POLR2C: variants seen among roughly 807,000 people sequenced by gnomAD.
The protein encoded by POLR2C is RNA polymerase II subunit C, also known as DNA-directed RNA polymerase II subunit RPB3.
Under a neutral mutation model 41.7 loss-of-function variants are expected in POLR2C, and 36 were observed. The observed-to-expected ratio is 0.86, with a 90% CI of 0.66 to 1.14. POLR2C has a LOEUF of 1.14. Ranked by LOEUF, POLR2C falls within the 50% of genes most tolerant of loss-of-function variation. POLR2C has a pLI of 0.00. For synonymous variants in POLR2C, 133 were observed against 137.8 expected, an observed-to-expected ratio of 0.96 and a Z score of 0.25; for missense variants, 260 against 350.4, an observed-to-expected ratio of 0.74 and a Z score of 2.06.
At chr16:57,468,093 T>C (rs890107407) in intron 4 of POLR2C, among the ~76,000 whole-genome samples, 1 of 152,246 alleles carries the variant, frequency 6.6e-6, no homozygotes, top group Non-Finnish European at 1.5e-5. Flanking sequence ...CACTGCGACC[T>C]CAGCCTCTGG....
At chr16:57,465,872 C>G (rs977960902) in intron 2 of POLR2C, 81 bp from the exon 3 acceptor site, 6 of 894,088 alleles carry the variant, frequency 6.7e-6, no homozygotes, top group Admixed American at 3.4e-5. Flanking sequence ...TCAGGTGATT[C>G]CTAAATCTTG....
intron 8 of POLR2C, 27 bp downstream of exon 8, chr16:57,470,381 G>A (rs1258853164): frequency 6.5e-7 from 1 of 1,547,672 alleles, no homozygotes; most frequent in Non-Finnish European, 8.8e-7. Context: ...ACATGGGAAG[G>A]TGAAGTGTGG....
chr16:57,468,040 C>T lies in POLR2C; in HGVS notation c.259-1125C>T, dbSNP rs371039324. Among the ~76,000 whole-genome samples, 18 of 152,066 alleles carry T rather than the reference C, an allele frequency of 1.2e-4. No individual in the cohort carries two copies. The East Asian group carries it at 2.9e-3, about 24-fold the overall frequency. On this transcript the variant is annotated intron_variant, in intron 4 of 8. Coordinates refer to ENST00000219252, the MANE Select transcript of POLR2C (RefSeq NM_032940.3). ...TTTTTCTATTTTTTCAGACAGGTCT[C>T]GCTCTGTCACCCAGGCTAGAGTGCA...
At chr16:57,465,549 C>A (rs1194280710) in intron 2 of POLR2C, among the ~76,000 whole-genome samples, 1 of 152,126 alleles carries the variant, frequency 6.6e-6, no homozygotes. Flanking sequence ...TGAGGTATGG[C>A]CCCATAAGTC....
intron 8 of POLR2C, 145 bp downstream of exon 8, chr16:57,470,499 G>T: frequency 1.6e-6 from 1 of 636,974 alleles, no homozygotes; most frequent in Non-Finnish European, 2.8e-6. Flanking sequence ...TAGACCTGTG[G>T]TATGTGCACA....
In POLR2C at chr16:57,469,749, G is replaced by C. The variant is rs779917583; in HGVS notation, c.427G>C (p.Val143Leu). 1.8e-5 allele frequency: 29 copies of C among 1,613,844 alleles called. No homozygotes were observed. Among genetic ancestry groups the C allele is most frequent in the African/African-American group, 2.7e-5 (2 of 74,922 alleles). Residue 143 changes from valine to leucine, a missense_variant, in exon 6 of 9, where the codon GTG (valine) becomes CTG (leucine). Val to Leu is a conservative substitution (Grantham distance 32). Transcript: ENST00000219252. The surrounding 1 kb of genome is among the most constrained non-coding windows in gnomAD (Gnocchi z 5.8). ...RNRDNDPNDY[V>L]EQDDILIVKL... is the part of the protein sequence containing the mutation. ...CCGAGATAATGACCCCAATGACTAC[G>C]TGGAGCAGGATGGTAAGTCTTCCTG... is the stretch of plus-strand genomic sequence containing the variant.
chr16:57,463,775 T>G, intron 2 of POLR2C: 1 of 363,738 alleles, frequency 2.7e-6, no homozygotes, highest in Non-Finnish European at 5.5e-6. Context: ...AAAGCCCGCC[T>G]CTACTAAAAA....
rs1020461564 is a variant in POLR2C, at chr16:57,471,348, C to T, written c.*229C>T. 5 of 512,552 alleles carry T rather than the reference C, an allele frequency of 9.8e-6. No individual in the cohort carries two copies. Among genetic ancestry groups the T allele is most frequent in the Non-Finnish European group, 1.8e-5 (5 of 285,628 alleles). 31.8% of individuals were successfully genotyped at this position (512,552 alleles called of 1,614,324 possible). On this transcript the variant is annotated 3_prime_UTR_variant, in exon 9 of 9. Transcript: ENST00000219252. The stretch of plus-strand genomic sequence containing the variant: ...CCTGACTGCTGTTAATAATTGGCAG[C>T]AGTGCTCCCCAGATCCCAGAAGGTC...
chr16:57,466,425 C>T (rs1395241586), intron 4 of POLR2C, among the ~76,000 whole-genome samples, 198 bp downstream of exon 4: 2 of 152,212 alleles, frequency 1.3e-5, no homozygotes, highest in South Asian at 2.1e-4. Context: ...CGCAGAACAT[C>T]AGGGAGTGTT....
intron 8 of POLR2C, 105 bp from the exon 9 acceptor site, chr16:57,470,870 T>C: frequency 9.9e-6 from 11 of 1,112,432 alleles, no homozygotes; most frequent in South Asian, 1.4e-5. Context: ...TCAAGTTCCA[T>C]GTGGGAACAG....
rs1223858245 is a variant in POLR2C, at chr16:57,469,375, T to C, written c.387+82T>C. 4 of 1,484,900 alleles carry C rather than the reference T, an allele frequency of 2.7e-6. No homozygotes were observed. The highest frequency in any genetic ancestry group is 3.8e-6 in the Non-Finnish European group (4 of 1,063,694). The allele number at this position is 1,484,900 out of a possible 1,614,324, so 92.0% of individuals were successfully genotyped here. On this transcript the variant is annotated intron_variant, in intron 5 of 8. Transcript: ENST00000219252. This position sits in a 1 kb window ranked among gnomAD's most constrained non-coding sequence, Gnocchi z 5.8. ...TCCAAGTGGGCCAGACTGGGGTTGA[T>C]CCTTAGAAAATGTTGGCTTTCCCTG...
chr16:57,469,934 TTGAC>T lies in POLR2C; in HGVS notation c.440-21_440-18del, dbSNP rs1209045700. On this transcript the variant is annotated intron_variant, in intron 6 of 8. Coordinates refer to ENST00000219252, the MANE Select transcript of POLR2C (RefSeq NM_032940.3). This position sits in a 1 kb window ranked among gnomAD's most constrained non-coding sequence, Gnocchi z 5.8. ...TGGAGAAGCATGTCTCTCCTGGCCC[TTGAC>T]TGACTTGTGCCTCTCCCTGCAGACA... 7.5e-6 allele frequency: 12 copies of T among 1,609,346 alleles called. No homozygotes were observed. The African/African-American group carries it at 1.5e-4, about 20-fold the overall frequency.
In POLR2C at chr16:57,471,272, A is replaced by G. The variant is rs2030831064; in HGVS notation, c.*153A>G. On this transcript the variant is annotated 3_prime_UTR_variant, in exon 9 of 9. Transcript: ENST00000219252. ...AGTACCAACTAGAAGTGGGTCATAG[A>G]TAGATTACCAGGGATGCAGTGGTGT... The G allele has an allele frequency of 6.2e-6, 4 of 642,408 alleles. No homozygotes were observed. Among genetic ancestry groups the G allele is most frequent in the Non-Finnish European group, 1.1e-5 (4 of 366,656 alleles). 39.8% of individuals were successfully genotyped at this position (642,408 alleles called of 1,614,324 possible).
intron 1 of POLR2C, 53 bp downstream of exon 1, chr16:57,462,863 G>GCCGGGGCC: frequency 1.4e-6 from 2 of 1,380,732 alleles, no homozygotes; most frequent in Non-Finnish European, 2.0e-6. Context: ...GGAGGCCCAA[G>GCCGGGGCC]CCGGGGCCCC....
At position 57,463,014 on chromosome 16, in the gene POLR2C, C is replaced by T; in HGVS notation, c.87-15C>T. 6.2e-7 allele frequency: 1 copy of T among 1,608,898 alleles called. No homozygotes were observed. Among genetic ancestry groups the T allele is most frequent in the Non-Finnish European group, 8.5e-7 (1 of 1,177,190 alleles). The stretch of plus-strand genomic sequence containing the variant: ...GCTGCAGCGCCTTCACGCCCCTTGG[C>T]TTTTGATCTTTCAGGGTGGCCAATT... On this transcript the variant is annotated splice_polypyrimidine_tract_variant and intron_variant, in intron 1 of 8. Coordinates refer to ENST00000219252, the MANE Select transcript of POLR2C (RefSeq NM_032940.3).
rs542555942 is a variant in POLR2C, at chr16:57,470,121, C to T, written c.600C>T (p.Pro200=). The change falls in exon 7 of 9, where the codon CCC becomes CCT. Residue 200 remains proline (P), a synonymous_variant. Coordinates refer to ENST00000219252, the MANE Select transcript of POLR2C (RefSeq NM_032940.3). ...NALRHTVYPK[P]EEWPKSEYSE... is the part of the protein sequence containing the mutation. Reference sequence around the variant, plus strand: ...TGAGGCACACAGTGTACCCCAAGCCCGAGGAATGGTATGTTCCCCTTAGGA... The same window carrying T: ...TGAGGCACACAGTGTACCCCAAGCCTGAGGAATGGTATGTTCCCCTTAGGA... The T allele has an allele frequency of 9.9e-6, 16 of 1,613,436 alleles. No individual in the cohort carries two copies. Among genetic ancestry groups the T allele is most frequent in the South Asian group, 3.3e-5 (3 of 90,998 alleles).
At position 57,469,485 on chromosome 16, in the gene POLR2C, C is replaced by G; in HGVS notation, c.387+192C>G. ...GTTAGCATCGTTGGTGCTGCGCACC[C>G]TCTATCACCCAGGGACTCTTTTAAA... On this transcript the variant is annotated intron_variant, in intron 5 of 8. Coordinates refer to ENST00000219252, the MANE Select transcript of POLR2C (RefSeq NM_032940.3). This position sits in a 1 kb window ranked among gnomAD's most constrained non-coding sequence, Gnocchi z 5.8. The G allele has an allele frequency of 1.4e-6, 1 of 730,386 alleles. No individual in the cohort carries two copies. Among genetic ancestry groups the G allele is most frequent in the Non-Finnish European group, 2.4e-6 (1 of 420,816 alleles). The allele number at this position is 730,386 out of a possible 1,614,324, so 45.2% of individuals were successfully genotyped here.
chr16:57,471,133 G>T lies in POLR2C; in HGVS notation c.*14G>T, dbSNP rs941907517. The T allele has an allele frequency of 1.2e-6, 2 of 1,612,042 alleles. No individual in the cohort carries two copies. The highest frequency in any genetic ancestry group is 1.7e-4 in the Middle Eastern group (1 of 6,056). On this transcript the variant is annotated 3_prime_UTR_variant, in exon 9 of 9. Transcript: ENST00000219252. ...ACCATAAATTAACTGCAGCTTGCCT[G>T]CTTCAGCAAAAACGGAGATTCAGGC...
At chr16:57,465,535 A>C (rs1469879854) in intron 2 of POLR2C, among the ~76,000 whole-genome samples, 1 of 152,234 alleles carries the variant, frequency 6.6e-6, no homozygotes, top group East Asian at 1.9e-4. Flanking sequence ...ATTATATCCT[A>C]AAATGAGGTA....
Sources: allele counts gnomAD v4.1 joint callset (sites outside exome capture counted in the v4.1 genomes callset), GRCh38; gene constraint gnomAD v4.1.1; non-coding constraint Gnocchi (gnomAD v3.1); transcripts MANE v1.5; gene names NCBI Gene and HGNC (gene_info 2026-07-23, HGNC 2026-07-21).